Variants in ZNF536 observed in about 807,000 individuals in gnomAD.
ZNF536 encodes the protein zinc finger protein 536.
A neutral mutation model predicts 84.5 loss-of-function variants in ZNF536; 13 were observed. The observed-to-expected ratio is 0.15, with a 90% CI of 0.10 to 0.24. The LOEUF (loss-of-function observed/expected upper bound fraction) is 0.24. Among genes scored for constraint, ZNF536 ranks in the 10% least tolerant of loss-of-function variants. The pLI, the probability that ZNF536 is intolerant of heterozygous loss-of-function variation, is 1.00. For missense variants in ZNF536, 1,536 were observed against 1,747.5 expected (o/e 0.88, Z 2.16); for synonymous variants, 811 against 742.5 (o/e 1.09, Z -1.50).
intron 1 of ZNF536, among the ~76,000 whole-genome samples, chr19:30,589,988 T>C (rs1292458637): frequency 6.6e-6 from 1 of 152,182 alleles, no homozygotes; most frequent in Non-Finnish European, 1.5e-5. Flanking sequence ...TTAAAGATAG[T>C]AAAATGTTGA....
intron 1 of ZNF536, among the ~76,000 whole-genome samples, chr19:30,627,147 A>G (rs939460835): frequency 6.6e-6 from 1 of 152,044 alleles, no homozygotes; most frequent in African/African-American, 2.4e-5. Context: ...CTGGGGGTAG[A>G]TAAATGGTTA....
rs576059000 is a variant in ZNF536, at chr19:30,290,275, G to C, written c.-120+6134G>C. On this transcript the variant is annotated intron_variant, in intron 2 of 5. Transcript: ENST00000585628. ...TATACCACATTTTATTTTACTTTTT[G>C]TTCGCTTTTCTTTTATTTTGGGACA... is the stretch of plus-strand genomic sequence containing the variant. Among the ~76,000 whole-genome samples the C allele has an allele frequency of 1.3e-5, 2 of 152,106 alleles. 1 individual carries two copies. Among genetic ancestry groups the C allele is most frequent in the South Asian group, 4.2e-4 (2 of 4,806 alleles).
At chr19:30,681,102 T>C (rs555566330) in intron 1 of ZNF536, among the ~76,000 whole-genome samples, 1 of 152,268 alleles carries the variant, frequency 6.6e-6, no homozygotes, top group South Asian at 2.1e-4. Flanking sequence ...CTACAGCCCC[T>C]TTCCGACTTT....
exon 2 of ZNF536, chr19:30,712,934 G>GAAAAAAAAACATAAAAAAAAAAAAAAAAA (rs2052494925): frequency 7.1e-6 from 1 of 140,574 alleles, no homozygotes; most frequent in Non-Finnish European, 1.5e-5. Context: ...AATAAAAAAA[G>GAAAAAAAAACATAAAAAAAAAAAAAAAAA]AAAAAAAAAA....
At chr19:30,701,501 A>G (rs1040852564) in intron 1 of ZNF536, among the ~76,000 whole-genome samples, 57 of 150,630 alleles carry the variant, frequency 3.8e-4, no homozygotes, top group Non-Finnish European at 6.8e-4. Context: ...ACACACAGAC[A>G]CAAAAACTCA....
At chr19:30,594,640 A>G (rs1470258875) in intron 1 of ZNF536, among the ~76,000 whole-genome samples, 1 of 152,038 alleles carries the variant, frequency 6.6e-6, no homozygotes, top group Non-Finnish European at 1.5e-5. Flanking sequence ...TGCTGGAGAG[A>G]GGCAGGGGGC....
At chr19:30,251,065 C>T (rs2024580945) in intron 1 of ZNF536, among the ~76,000 whole-genome samples, 1 of 152,064 alleles carries the variant, frequency 6.6e-6, no homozygotes, top group South Asian at 2.1e-4. Context: ...CTGTCTGCTT[C>T]CCTCTATCCC....
chr19:30,626,383 G>A (rs991295593), intron 1 of ZNF536, among the ~76,000 whole-genome samples: 5 of 151,688 alleles, frequency 3.3e-5, no homozygotes, highest in Non-Finnish European at 7.4e-5. Flanking sequence ...TTCACTGGTA[G>A]AATGTGCTCT....
intron 2 of ZNF536, among the ~76,000 whole-genome samples, chr19:30,320,669 C>G (rs995320808): frequency 1.3e-5 from 2 of 152,028 alleles, no homozygotes; most frequent in Admixed American, 1.3e-4. Context: ...GTGGAGCGTA[C>G]GTGGTATTTG....
chr19:30,648,323 G>A (rs1254825068), intron 1 of ZNF536, among the ~76,000 whole-genome samples: 1 of 152,124 alleles, frequency 6.6e-6, no homozygotes, highest in African/African-American at 2.4e-5. Flanking sequence ...TCCTTTTCCA[G>A]TACAACCCAG....
At chr19:30,500,909 G>A (rs572770003) in intron 2 of ZNF536, among the ~76,000 whole-genome samples, 4 of 152,226 alleles carry the variant, frequency 2.6e-5, no homozygotes, top group Admixed American at 6.5e-5. Flanking sequence ...CAGTACAATA[G>A]GAGTGTACCA....
intron 1 of ZNF536, among the ~76,000 whole-genome samples, chr19:30,378,281 C>T (rs1308808221): frequency 6.6e-6 from 1 of 152,158 alleles, no homozygotes; most frequent in African/African-American, 2.4e-5. Flanking sequence ...GTGCCTCAGC[C>T]TCTCAAGTAG....
At chr19:30,291,671 T>C (rs942894124) in intron 2 of ZNF536, among the ~76,000 whole-genome samples, 11 of 152,242 alleles carry the variant, frequency 7.2e-5, no homozygotes, top group Non-Finnish European at 1.2e-4. Flanking sequence ...CTGTTTTCCA[T>C]AGTGGCTGCA....
In ZNF536 at chr19:30,361,783, C is replaced by T. The variant is rs577015613; in HGVS notation, c.-3+9299C>T. ...CACGTTCACTCTGAATCTGCCCCTGCGGGCGGCCTGGCAAGGCAGGCGTCC... is the reference window on the plus strand; with the variant it reads ...CACGTTCACTCTGAATCTGCCCCTGTGGGCGGCCTGGCAAGGCAGGCGTCC... On this transcript the variant is annotated intron_variant, in intron 3 of 5. Coordinates refer to the ZNF536 transcript ENST00000585628. 3.9e-3 allele frequency among the ~76,000 whole-genome samples: 424 copies of T among 109,418 alleles called. 1 individual carries two copies. The highest frequency in any genetic ancestry group is 0.014 in the African/African-American group (380 of 28,092). 71.8% of individuals were successfully genotyped at this position (109,418 alleles called of 152,430 possible).
intron 1 of ZNF536, among the ~76,000 whole-genome samples, chr19:30,703,094 C>T (rs933517848): frequency 6.6e-6 from 1 of 152,108 alleles, no homozygotes; most frequent in African/African-American, 2.4e-5. Flanking sequence ...GAGGCAGCTG[C>T]ATGGAGGCCT....
intron 2 of ZNF536, among the ~76,000 whole-genome samples, chr19:30,485,137 C>G (rs2054252132): frequency 7.1e-6 from 1 of 140,340 alleles, no homozygotes. Context: ...GTGTGAGACT[C>G]TGTCTCAAAA....
At chr19:30,513,252 G>A (rs918259757) in intron 2 of ZNF536, among the ~76,000 whole-genome samples, 8 of 152,146 alleles carry the variant, frequency 5.3e-5, no homozygotes, top group African/African-American at 1.9e-4. Context: ...CTAGATGAGG[G>A]TTTGCTGTTT....
chr19:30,482,546 C>G (rs2054132260), intron 2 of ZNF536, among the ~76,000 whole-genome samples: 1 of 149,710 alleles, frequency 6.7e-6, no homozygotes, highest in Admixed American at 6.7e-5. Context: ...AAGATTCTTG[C>G]TTTTTTTTTT....
At chr19:30,568,860 C>T (rs1021032555) in intron 1 of ZNF536, among the ~76,000 whole-genome samples, 5 of 152,204 alleles carry the variant, frequency 3.3e-5, no homozygotes, top group African/African-American at 1.2e-4. Flanking sequence ...GGATGGGCAG[C>T]AGGTCACAGG....
Sources: gnomAD v4.1 joint callset for allele counts (sites outside exome capture counted in the v4.1 genomes callset) on GRCh38, gnomAD v4.1.1 for gene constraint, MANE v1.5 for transcripts, NCBI Gene and HGNC (gene_info 2026-07-23, HGNC 2026-07-21) for gene names.